Variants in GALNT7 observed in about 807,000 individuals in gnomAD.
The protein encoded by GALNT7 is polypeptide N-acetylgalactosaminyltransferase 7.
GALNT7 carries 60 observed loss-of-function variants against 82.1 expected under a neutral mutation model. The ratio of observed to expected loss-of-function variants is 0.73; its 90% CI spans 0.59 to 0.91. The LOEUF is 0.91. GALNT7 is among the 40% of genes least tolerant of loss of function. The probability of loss-of-function intolerance (pLI) is 0.00; values close to 1 mark genes in which losing one functional copy is unlikely to be tolerated. For synonymous variants in GALNT7, 243 were observed against 275.1 expected (o/e 0.88, Z 1.15); for missense variants, 660 against 804.2 (o/e 0.82, Z 2.17).
intron 1 of GALNT7, among the ~76,000 whole-genome samples, chr4:173,211,594 T>C (rs1014291101): frequency 2.0e-5 from 3 of 152,224 alleles, no homozygotes; most frequent in Non-Finnish European, 2.9e-5. Flanking sequence ...AAAGGGAGTT[T>C]CAAGTTACTC....
intron 1 of GALNT7, among the ~76,000 whole-genome samples, chr4:173,225,305 C>T (rs2126697825): frequency 6.6e-6 from 1 of 151,830 alleles, no homozygotes; most frequent in African/African-American, 2.4e-5. Context: ...TTACTGGGCA[C>T]AGGGAGAAAT....
intron 2 of GALNT7, among the ~76,000 whole-genome samples, chr4:173,248,925 T>C (rs1734755388): frequency 1.3e-4 from 1 of 7,462 alleles, no homozygotes; most frequent in South Asian, 8.3e-3. Context: ...AGATTTATGT[T>C]TCCTTTAATT....
At chr4:173,297,274 T>G (rs567901657) in intron 5 of GALNT7, among the ~76,000 whole-genome samples, 2 of 152,092 alleles carry the variant, frequency 1.3e-5, no homozygotes, top group African/African-American at 2.4e-5. Context: ...AAAGCTGTTT[T>G]CTGCAGTTAG....
At chr4:173,311,802 G>A (rs1197278532) in intron 8 of GALNT7, among the ~76,000 whole-genome samples, 1 of 152,152 alleles carries the variant, frequency 6.6e-6, no homozygotes, top group Non-Finnish European at 1.5e-5. Flanking sequence ...AATATCGTAT[G>A]TTCTTTTATC....
rs1372029074 is a variant in GALNT7, at chr4:173,255,883, C to T, written c.587+7443C>T. 3.3e-5 allele frequency among the ~76,000 whole-genome samples: 5 copies of T among 152,316 alleles called. No homozygotes were observed. In the East Asian group the frequency reaches 7.7e-4, roughly 23 times the overall value. ...AGCATGGTCACCTTTGGTAATTTAG[C>T]TCAGACTATTCCAGAACCATTAGAT... On this transcript the variant is annotated intron_variant, in intron 2 of 11. Transcript: ENST00000265000.
intron 2 of GALNT7, among the ~76,000 whole-genome samples, chr4:173,267,279 C>T (rs1735537658): frequency 6.6e-6 from 1 of 152,012 alleles, no homozygotes; most frequent in Non-Finnish European, 1.5e-5. Flanking sequence ...AGGGTATGGG[C>T]AAAATTTACC....
At chr4:173,309,353 G>C (rs1390355473) in intron 8 of GALNT7, among the ~76,000 whole-genome samples, 1 of 152,216 alleles carries the variant, frequency 6.6e-6, no homozygotes, top group Non-Finnish European at 1.5e-5. Context: ...ACAGTTTCTA[G>C]CTGGGGAGGA....
In GALNT7 at chr4:173,292,826, A is replaced by G. The variant is rs1736592517; in HGVS notation, c.754+552A>G. Among the ~76,000 whole-genome samples the G allele has an allele frequency of 6.6e-6, 1 of 152,172 alleles. No individual in the cohort carries two copies. Among genetic ancestry groups the G allele is most frequent in the African/African-American group, 2.4e-5 (1 of 41,448 alleles). On this transcript the variant is annotated intron_variant, in intron 3 of 11. Transcript: ENST00000265000. The surrounding 1 kb of genome is among the most constrained non-coding windows in gnomAD (Gnocchi z 4.8). Reference sequence around the variant, plus strand: ...CATTTTTAAGTATCCTAGAGAATGTATAGCTTTAAAATTTTTAGCCATATC... The same window carrying G: ...CATTTTTAAGTATCCTAGAGAATGTGTAGCTTTAAAATTTTTAGCCATATC...
intron 1 of GALNT7, among the ~76,000 whole-genome samples, chr4:173,178,066 TGC>T (rs1554019752): frequency 5.9e-5 from 7 of 117,818 alleles, no homozygotes; most frequent in South Asian, 3.1e-4. Flanking sequence ...CGCACGCGCG[TGC>T]GCACAGACAC....
In GALNT7 at chr4:173,292,592, G is replaced by A. The variant is rs1036256366; in HGVS notation, c.754+318G>A. On this transcript the variant is annotated intron_variant, in intron 3 of 11. Transcript: ENST00000265000. This position sits in a 1 kb window ranked among gnomAD's most constrained non-coding sequence, Gnocchi z 4.8. Reference sequence around the variant, plus strand: ...ATGTTAGAAGCGAAGATAAACATAGGTAGCATGAAAATATCGTTCAAAATG... The same window carrying A: ...ATGTTAGAAGCGAAGATAAACATAGATAGCATGAAAATATCGTTCAAAATG... 9.9e-5 allele frequency among the ~76,000 whole-genome samples: 15 copies of A among 152,140 alleles called. No homozygotes were observed. Among genetic ancestry groups the A allele is most frequent in the Non-Finnish European group, 1.6e-4 (11 of 68,000 alleles).
chr4:173,209,789 TGTGAC>T (rs1437745704), intron 1 of GALNT7, among the ~76,000 whole-genome samples: 57 of 152,342 alleles, frequency 3.7e-4, no homozygotes, highest in Non-Finnish European at 7.2e-4. Flanking sequence ...GCACAAAGTT[TGTGAC>T]CTCAGGTGCC....
intron 2 of GALNT7, among the ~76,000 whole-genome samples, chr4:173,250,676 C>T (rs1054937185): frequency 4.6e-5 from 7 of 152,004 alleles, no homozygotes; most frequent in African/African-American, 1.2e-4. Context: ...CTTTTAGAAA[C>T]CCAAATCTAA....
chr4:173,213,369 G>A (rs1733343941), intron 1 of GALNT7, among the ~76,000 whole-genome samples: 1 of 151,992 alleles, frequency 6.6e-6, no homozygotes, highest in Non-Finnish European at 1.5e-5. Flanking sequence ...AAGGTACCTT[G>A]TTCAGAAGAT....
intron 1 of GALNT7, among the ~76,000 whole-genome samples, chr4:173,214,822 C>G (rs1733389407): frequency 6.8e-6 from 1 of 148,134 alleles, no homozygotes; most frequent in Non-Finnish European, 1.5e-5. Flanking sequence ...TTTTTTAATG[C>G]TCTTTCCAGC....
At chr4:173,264,176 A>G (rs1735389878) in intron 2 of GALNT7, among the ~76,000 whole-genome samples, 1 of 152,188 alleles carries the variant, frequency 6.6e-6, no homozygotes, top group South Asian at 2.1e-4. Flanking sequence ...GCTATATGAT[A>G]CCTGAGTAAG....
chr4:173,233,435 G>A (rs1734108167), intron 1 of GALNT7, among the ~76,000 whole-genome samples: 13 of 152,204 alleles, frequency 8.5e-5, no homozygotes, highest in Admixed American at 8.5e-4. Flanking sequence ...TTCTGACTCA[G>A]ATGAGATGAT....
At chr4:173,174,559 TCCA>T (rs1731976054) in intron 1 of GALNT7, among the ~76,000 whole-genome samples, 1 of 152,234 alleles carries the variant, frequency 6.6e-6, no homozygotes, top group South Asian at 2.1e-4. Context: ...AAGTTTTCCA[TCCA>T]GTGGTCTATG....
At chr4:173,263,862 C>G (rs965930002) in intron 2 of GALNT7, among the ~76,000 whole-genome samples, 1 of 152,148 alleles carries the variant, frequency 6.6e-6, no homozygotes, top group African/African-American at 2.4e-5. Flanking sequence ...TAAATATAAA[C>G]ACATCATAAA....
At chr4:173,280,364 CAT>C (rs573302782) in intron 2 of GALNT7, among the ~76,000 whole-genome samples, 344 of 152,272 alleles carry the variant, frequency 2.3e-3, no homozygotes, top group Non-Finnish European at 4.0e-3. Flanking sequence ...ATGTTAAAAA[CAT>C]AGCTGATACA....
Sources: allele counts gnomAD v4.1 joint callset (sites outside exome capture counted in the v4.1 genomes callset), GRCh38; gene constraint gnomAD v4.1.1; non-coding constraint Gnocchi (gnomAD v3.1); transcripts MANE v1.5; gene names NCBI Gene and HGNC (gene_info 2026-07-23, HGNC 2026-07-21).